NTN1: variants seen among roughly 807,000 people sequenced by gnomAD.
NTN1 encodes netrin-1.
Under a neutral mutation model 54.2 loss-of-function variants are expected in NTN1, and 11 were observed. The ratio of observed to expected loss-of-function variants is 0.20; its 90% CI spans 0.13 to 0.34. The LOEUF is 0.34. Ranked by LOEUF, NTN1 falls within the 10% of genes least tolerant of loss-of-function variation. NTN1 has a pLI of 1.00. For synonymous variants in NTN1, 371 were observed against 382.0 expected (o/e 0.97, Z 0.33); for missense variants, 740 against 893.1 (o/e 0.83, Z 2.18).
intron 2 of NTN1, among the ~76,000 whole-genome samples, chr17:9,050,878 T>G (rs1160533613): frequency 6.6e-6 from 1 of 152,038 alleles, no homozygotes; most frequent in East Asian, 1.9e-4. Context: ...ATGCTGGCCC[T>G]CCCCTGTGGT....
In NTN1 at chr17:9,240,222, G is replaced by C. The variant is rs1906159000; in HGVS notation, c.*254G>C. ...GCCGGCCGGGCCCTGGAGAAATGAC[G>C]AGACGTAGCTACCTCACGGGGCTCC... On this transcript the variant is annotated 3_prime_UTR_variant, in exon 7 of 7. Transcript: ENST00000173229. The C allele has an allele frequency of 2.6e-5, 4 of 155,914 alleles. No homozygotes were observed. Among genetic ancestry groups the C allele is most frequent in the South Asian group, 4.1e-4 (2 of 4,882 alleles). The allele number at this position is 155,914 out of a possible 1,614,324, so 9.7% of individuals were successfully genotyped here. A position where few individuals can be genotyped will look rare whatever the true frequency, so the allele number is the denominator to read the frequency against.
At chr17:9,193,813 T>G (rs1332764423) in intron 5 of NTN1, among the ~76,000 whole-genome samples, 1 of 149,092 alleles carries the variant, frequency 6.7e-6, no homozygotes, top group South Asian at 2.1e-4. Flanking sequence ...CCCCAGCTAC[T>G]TGGGAGGCTG....
intron 2 of NTN1, among the ~76,000 whole-genome samples, chr17:9,098,950 T>C (rs9899718): frequency 0.19 from 28,666 of 152,192 alleles, 3,101 homozygotes; most frequent in Non-Finnish European, 0.24. Flanking sequence ...TAACATTGAG[T>C]ATATTCTTCT....
intron 2 of NTN1, among the ~76,000 whole-genome samples, chr17:9,053,699 G>A (rs572110044): frequency 6.6e-6 from 1 of 152,288 alleles, no homozygotes; most frequent in East Asian, 1.9e-4. Context: ...TGGAAAATAT[G>A]AAAAAAGAGA....
At chr17:9,068,395 G>C (rs2092022141) in intron 2 of NTN1, among the ~76,000 whole-genome samples, 2 of 152,108 alleles carry the variant, frequency 1.3e-5, no homozygotes, top group African/African-American at 4.8e-5. Context: ...ATGTTGCCCA[G>C]ACTGGTCTCG....
At chr17:9,006,147 G>A in the NTN1 span, among the ~76,000 whole-genome samples, 1 of 146,924 alleles carries the variant, frequency 6.8e-6, no homozygotes, top group Non-Finnish European at 1.5e-5. Context: ...AAGAAAGTGG[G>A]TAGGGGGAGG....
At chr17:9,066,607 G>A (rs573847310) in intron 2 of NTN1, among the ~76,000 whole-genome samples, 1 of 152,068 alleles carries the variant, frequency 6.6e-6, no homozygotes, top group Non-Finnish European at 1.5e-5. Context: ...CAGCCTGGGC[G>A]ACAGAGTGAG....
At chr17:9,010,318 GT>G in the NTN1 span, among the ~76,000 whole-genome samples, 30 of 152,316 alleles carry the variant, frequency 2.0e-4, no homozygotes, top group East Asian at 4.2e-3. Flanking sequence ...CTTCTGGACT[GT>G]GATCTGGGTT....
chr17:9,173,692 C>G (rs2092393212), intron 3 of NTN1: 1 of 152,324 alleles, frequency 6.6e-6, no homozygotes, highest in South Asian at 2.1e-4. Flanking sequence ...AGATGCAGCC[C>G]TTTGGCATGA....
intron 2 of NTN1, among the ~76,000 whole-genome samples, chr17:9,049,739 TAGAC>T (rs2091953659): frequency 6.6e-6 from 1 of 152,192 alleles, no homozygotes; most frequent in Admixed American, 6.5e-5. Context: ...GAATTGGATC[TAGAC>T]AAAGACATGT....
At chr17:9,069,599 TCA>T (rs1466208678) in intron 2 of NTN1, among the ~76,000 whole-genome samples, 1 of 152,174 alleles carries the variant, frequency 6.6e-6, no homozygotes, top group Non-Finnish European at 1.5e-5. Context: ...CTCAAACTTC[TCA>T]GAGTCTTCAC....
At chr17:9,163,030 TG>T in intron 3 of NTN1, 29 bp downstream of exon 3, 1 of 1,555,930 alleles carries the variant, frequency 6.4e-7, no homozygotes, top group South Asian at 1.2e-5. Context: ...GGCGGGGGGC[TG>T]GGGAGACCCG....
At chr17:9,220,396 G>T (rs1282470945) in intron 5 of NTN1, among the ~76,000 whole-genome samples, 1 of 152,248 alleles carries the variant, frequency 6.6e-6, no homozygotes, top group Admixed American at 6.5e-5. Flanking sequence ...AAGGAATTGT[G>T]TCTCCTTGTT....
intron 4 of NTN1, among the ~76,000 whole-genome samples, chr17:9,181,740 A>G (rs1341737314): frequency 6.6e-6 from 1 of 152,148 alleles, no homozygotes; most frequent in Non-Finnish European, 1.5e-5. Flanking sequence ...TTTACCGCAA[A>G]GAATCAGATG....
At chr17:9,098,847 A>G (rs1202429591) in intron 2 of NTN1, among the ~76,000 whole-genome samples, 1 of 152,212 alleles carries the variant, frequency 6.6e-6, no homozygotes, top group Non-Finnish European at 1.5e-5. Context: ...TTCTGACTCC[A>G]AAAACAATGT....
chr17:9,038,388 C>T (rs1312513306), intron 2 of NTN1, among the ~76,000 whole-genome samples: 1 of 152,134 alleles, frequency 6.6e-6, no homozygotes, highest in Non-Finnish European at 1.5e-5. Flanking sequence ...TTGTTTTCCC[C>T]TCCTCCCATT....
chr17:9,079,965 G>A (rs2092065364), intron 2 of NTN1, among the ~76,000 whole-genome samples: 1 of 151,308 alleles, frequency 6.6e-6, no homozygotes, highest in African/African-American at 2.4e-5. Flanking sequence ...TGGTTCCCCA[G>A]CAGGCCTGTT....
chr17:9,230,525 A>T (rs936671749), intron 6 of NTN1, among the ~76,000 whole-genome samples: 4 of 150,130 alleles, frequency 2.7e-5, no homozygotes, highest in Non-Finnish European at 5.9e-5. Context: ...GAGGTCGTGG[A>T]ATGCGGGTGA....
At chr17:9,188,701 G>A (rs902151235) in intron 5 of NTN1, among the ~76,000 whole-genome samples, 51 of 152,232 alleles carry the variant, frequency 3.4e-4, no homozygotes, top group African/African-American at 1.0e-3. Context: ...GTATGGCTTC[G>A]AGTTCTGGCT....
Sources: gnomAD v4.1 joint callset for allele counts (sites outside exome capture counted in the v4.1 genomes callset) on GRCh38, gnomAD v4.1.1 for gene constraint, MANE v1.5 for transcripts, NCBI Gene and HGNC (gene_info 2026-07-23, HGNC 2026-07-21) for gene names.